Variants in SRCAP observed in about 807,000 individuals in gnomAD.
SRCAP encodes the protein chromatin remodeling protein SRCAP.
SRCAP carries 46 observed loss-of-function variants against 263.1 expected under a neutral mutation model. The ratio of observed to expected loss-of-function variants is 0.17; its 90% CI spans 0.14 to 0.22. The LOEUF is 0.22. SRCAP is among the 10% of genes least tolerant of loss of function. SRCAP has a pLI of 1.00. For synonymous variants in SRCAP, 1,813 were observed against 1,662.1 expected (o/e 1.09, Z -2.21); for missense variants, 3,695 against 4,181.9 (o/e 0.88, Z 3.21).
Position 30,722,666 on chromosome 16 carries a change from C to T in SRCAP, c.3810C>T (p.Thr1270=). The change falls in exon 23 of 34, where the codon ACC becomes ACT. Residue 1270 remains threonine (T), a synonymous_variant. Coordinates refer to ENST00000262518, the MANE Select transcript of SRCAP (RefSeq NM_006662.3). ...IQAVAPTPGP[T]PVSVLPSSTP... ...CCGTGGCCCCGACCCCTGGCCCTAC[C>T]CCTGTCTCTGTGCTGCCTTCTTCGA... 1.2e-6 allele frequency: 2 copies of T among 1,613,994 alleles called. No individual in the cohort carries two copies. The highest frequency in any genetic ancestry group is 1.7e-6 in the Non-Finnish European group (2 of 1,179,998).
In SRCAP at chr16:30,700,748, G is replaced by A; in HGVS notation, c.-77G>A. On this transcript the variant is annotated 5_prime_UTR_variant, in exon 3 of 34. Transcript: ENST00000262518. ...CAGCATGCCCTGCAGCCGGACGCCAGCCCCTCGGCCAGCAGTACTGGTGAT... is the reference window on the plus strand; with the variant it reads ...CAGCATGCCCTGCAGCCGGACGCCAACCCCTCGGCCAGCAGTACTGGTGAT... The A allele has an allele frequency of 1.4e-6, 2 of 1,431,572 alleles. No homozygotes were observed. The highest frequency in any genetic ancestry group is 2.3e-5 in the East Asian group (1 of 43,208). 88.7% of individuals were successfully genotyped at this position (1,431,572 alleles called of 1,614,324 possible). A position where few individuals can be genotyped will look rare whatever the true frequency, so the allele number is the denominator to read the frequency against.
At chr16:30,736,431 T>C in intron 32 of SRCAP, 37 bp downstream of exon 32, 1 of 1,604,360 alleles carries the variant, frequency 6.2e-7, no homozygotes, top group Non-Finnish European at 8.5e-7. Context: ...ACTTTACTGC[T>C]TCCCCTGGGC....
intron 18 of SRCAP, among the ~76,000 whole-genome samples, chr16:30,717,299 G>T (rs1208830927): frequency 6.6e-6 from 1 of 152,064 alleles, no homozygotes; most frequent in Non-Finnish European, 1.5e-5. Flanking sequence ...TTGGGTGTTT[G>T]TGTGGTGGTT....
rs1426487128 is a variant in SRCAP, at chr16:30,716,339, A to G, written c.2677A>G (p.Ile893Val). 5 of 1,614,064 alleles carry G rather than the reference A, an allele frequency of 3.1e-6. No homozygotes were observed. Among genetic ancestry groups the G allele is most frequent in the Non-Finnish European group, 3.4e-6 (4 of 1,180,038 alleles). Reference protein sequence around the residue: ...ATGHFMSVINILMQLRKVCNH... With the variant: ...ATGHFMSVINVLMQLRKVCNH... ...AGGCCATTTCATGAGCGTCATCAAC[A>G]TTTTGATGCAGCTGAGAAAAGTTTG... is the stretch of plus-strand genomic sequence containing the variant. Residue 893 changes from isoleucine (I) to valine (V), a missense_variant, in exon 18 of 34, where the codon ATT becomes GTT. Coordinates refer to ENST00000262518, the MANE Select transcript of SRCAP (RefSeq NM_006662.3).
At chr16:30,714,853 T>C (rs867568892) in intron 16 of SRCAP, among the ~76,000 whole-genome samples, 43 of 152,254 alleles carry the variant, frequency 2.8e-4, no homozygotes, top group Middle Eastern at 3.4e-3. Context: ...TTGTCCTTAC[T>C]GTCTTTGAGT....
rs189024516 is a variant in SRCAP, at chr16:30,733,889, C to T, written c.6495-5C>T. On this transcript the variant is annotated splice_polypyrimidine_tract_variant and splice_region_variant and intron_variant, in intron 29 of 33. Transcript: ENST00000262518. This position sits in a 1 kb window ranked among gnomAD's most constrained non-coding sequence, Gnocchi z 5.3. ...TGCTTACACACGGCCTTCATCACCC[C>T]CTAGGCTTATCAGTGAACGGACAGT... 6.2e-7 allele frequency: 1 copy of T among 1,613,966 alleles called. No individual in the cohort carries two copies. The highest frequency in any genetic ancestry group is 8.5e-7 in the Non-Finnish European group (1 of 1,179,950).
rs775359311 is a variant in SRCAP at position 30,712,290 on chromosome 16, G to A, written c.1844G>A (p.Arg615Gln). 2 of 1,599,954 alleles carry A rather than the reference G, an allele frequency of 1.3e-6. No homozygotes were observed. The highest frequency in any genetic ancestry group is 1.7e-6 in the Non-Finnish European group (2 of 1,173,330). The change falls in exon 13 of 34, where the codon CGG becomes CAG. Residue 615 changes from arginine (R) to glutamine (Q), a missense_variant. By Grantham distance (43) the Arg-to-Gln change is conservative. Around this residue, in one of 12 missense-constraint regions of SRCAP, gnomAD observed 121 missense variants for 330.7 expected, o/e 0.37. Coordinates refer to ENST00000262518, the MANE Select transcript of SRCAP (RefSeq NM_006662.3). The part of the protein sequence containing the change: ...QVKTPIPLLL[R>Q]GQLREYQHIG... Reference sequence around the variant, plus strand: ...AAGACGCCCATTCCCCTGCTTCTGCGGGGCCAGCTCCGGGAGTACCAGCAC... The same window carrying A: ...AAGACGCCCATTCCCCTGCTTCTGCAGGGCCAGCTCCGGGAGTACCAGCAC...
intron 16 of SRCAP, 23 bp from the exon 17 acceptor site, chr16:30,716,043 C>T: frequency 1.2e-6 from 2 of 1,613,552 alleles, no homozygotes; most frequent in South Asian, 1.1e-5. Context: ...TCCTGTTTAG[C>T]CTCCAGCTTA....
Position 30,724,330 on chromosome 16 carries a change from T to A in SRCAP, c.4906T>A (p.Ser1636Thr), listed in dbSNP as rs756069993. The A allele has an allele frequency of 6.2e-7, 1 of 1,614,082 alleles. No homozygotes were observed. Among genetic ancestry groups the A allele is most frequent in the South Asian group, 1.1e-5 (1 of 91,080 alleles). The change falls in exon 25 of 34, where the codon TCT becomes ACT. Residue 1636 changes from serine to threonine, a missense_variant. This residue lies in a region of SRCAP where 1,347 missense variants were observed against 1,304.4 expected (regional missense o/e 1.03). Transcript: ENST00000262518. Reference protein sequence around the residue: ...QTPVPVMAPSSTPGTSLASAS... With the variant: ...QTPVPVMAPSTTPGTSLASAS... ...TCCGGTTCCAGTTATGGCTCCATCGTCTACTCCAGGAACCTCTTTAGCCTC... is the reference window on the plus strand; with the variant it reads ...TCCGGTTCCAGTTATGGCTCCATCGACTACTCCAGGAACCTCTTTAGCCTC...
chr16:30,736,745 TC>T, intron 33 of SRCAP, 121 bp downstream of exon 33: 1 of 1,056,356 alleles, frequency 9.5e-7, no homozygotes, highest in South Asian at 1.5e-5. Context: ...CAATCTCGGG[TC>T]ACTGCAGTCT....
At chr16:30,732,160 A>G (rs1279867373) in intron 27 of SRCAP, among the ~76,000 whole-genome samples, 1 of 151,146 alleles carries the variant, frequency 6.6e-6, no homozygotes, top group Non-Finnish European at 1.5e-5. Flanking sequence ...ATGAAATAAT[A>G]AAGTGTTCAG....
At position 30,720,238 on chromosome 16, in the gene SRCAP, C is replaced by T. The variant is rs149854655; in HGVS notation, c.2894C>T (p.Pro965Leu). The change falls in exon 19 of 34, where the codon CCC becomes CTC. Residue 965 changes from proline (P) to leucine (L), a missense_variant. Coordinates refer to ENST00000262518, the MANE Select transcript of SRCAP (RefSeq NM_006662.3). ...CGATATGAGGCAGACACATTTCTGC[C>T]CCGGCACCGCCTCTCTCGCCGGGTA... ...VSRYEADTFLPRHRLSRRVLL... is the reference protein window; with the variant it reads ...VSRYEADTFLLRHRLSRRVLL... The T allele has an allele frequency of 1.1e-5, 17 of 1,613,890 alleles. No individual in the cohort carries two copies. Among genetic ancestry groups the T allele is most frequent in the Admixed American group, 1.7e-5 (1 of 59,978 alleles).
chr16:30,718,021 A>G (rs189418404), intron 18 of SRCAP, among the ~76,000 whole-genome samples: 1 of 150,796 alleles, frequency 6.6e-6, no homozygotes, highest in East Asian at 2.0e-4. Context: ...GTGCACCACT[A>G]TGCCTGACTG....
At position 30,733,474 on chromosome 16, in the gene SRCAP, A is replaced by C; in HGVS notation, c.6297+25A>C. The C allele has an allele frequency of 1.2e-6, 2 of 1,613,742 alleles. No individual in the cohort carries two copies. The highest frequency in any genetic ancestry group is 1.7e-6 in the Non-Finnish European group (2 of 1,179,712). On this transcript the variant is annotated intron_variant, in intron 28 of 33. Transcript: ENST00000262518. This position sits in a 1 kb window ranked among gnomAD's most constrained non-coding sequence, Gnocchi z 5.3. ...GGTAACCCAGGTTTCTGCAGCTCTTAGAGGCTCACCTCCGCTTCTCTCTCC... is the reference window on the plus strand; with the variant it reads ...GGTAACCCAGGTTTCTGCAGCTCTTCGAGGCTCACCTCCGCTTCTCTCTCC...
intron 4 of SRCAP, among the ~76,000 whole-genome samples, 188 bp downstream of exon 4, chr16:30,704,503 A>G (rs2052804476): frequency 1.3e-5 from 2 of 152,178 alleles, no homozygotes; most frequent in South Asian, 4.1e-4. Context: ...TAAATAAAAT[A>G]GGAATGATAT....
intron 1 of SRCAP, among the ~76,000 whole-genome samples, chr16:30,699,590 C>T (rs1324643422): frequency 6.6e-6 from 1 of 152,186 alleles, no homozygotes; most frequent in Non-Finnish European, 1.5e-5. Context: ...CTGGAAAGGC[C>T]CGCAGGCAGG....
chr16:30,699,422 C>T (rs575435040), intron 1 of SRCAP, among the ~76,000 whole-genome samples, 180 bp downstream of exon 1: 111 of 152,272 alleles, frequency 7.3e-4, no homozygotes, highest in Middle Eastern at 6.8e-3. Context: ...GCTCCTGAGT[C>T]TCCTTTTGCT....
chr16:30,706,196 C>T (rs932136695), intron 4 of SRCAP, among the ~76,000 whole-genome samples: 18 of 152,144 alleles, frequency 1.2e-4, no homozygotes, highest in Admixed American at 8.5e-4. Context: ...CGGTGGTTTT[C>T]GCCTATAATC....
intron 4 of SRCAP, among the ~76,000 whole-genome samples, chr16:30,706,094 G>A (rs1339686129): frequency 2.0e-5 from 3 of 152,100 alleles, no homozygotes; most frequent in Non-Finnish European, 4.4e-5. Flanking sequence ...TCACTGTCAG[G>A]CCATTTAGTC....
Sources: gnomAD v4.1 joint callset for allele counts (sites outside exome capture counted in the v4.1 genomes callset) on GRCh38, gnomAD v4.1.1 for gene constraint, gnomAD v4.1.1 regional missense constraint, Gnocchi (gnomAD v3.1) non-coding constraint, MANE v1.5 for transcripts, NCBI Gene and HGNC (gene_info 2026-07-23, HGNC 2026-07-21) for gene names.